Variants in IQCH observed in about 807,000 individuals in gnomAD.
The protein encoded by IQCH is IQ domain-containing protein H.
A neutral mutation model predicts 117.0 loss-of-function variants in IQCH; 98 were observed. The observed-to-expected ratio is 0.84, with a 90% CI of 0.71 to 0.99. The LOEUF (loss-of-function observed/expected upper bound fraction) is 0.99, where lower values mean the gene tolerates loss of function less well. IQCH is among the 50% of genes least tolerant of loss of function. The probability of loss-of-function intolerance (pLI) is 0.00; values close to 1 mark genes in which losing one functional copy is unlikely to be tolerated. For missense variants in IQCH, 1,102 were observed against 1,243.8 expected (o/e 0.89, Z 1.72); for synonymous variants, 412 against 448.2 (o/e 0.92, Z 1.02).
intron 16 of IQCH, 131 bp downstream of exon 16, chr15:67,421,708 T>A: frequency 1.1e-6 from 1 of 912,932 alleles, no homozygotes; most frequent in Non-Finnish European, 1.7e-6. Flanking sequence ...TGCTCTAAAT[T>A]CAACACCTAT....
Position 67,388,171 on chromosome 15 carries a change from G to C in IQCH, c.1457-660G>C, listed in dbSNP as rs1363499334. Among the ~76,000 whole-genome samples the C allele has an allele frequency of 2.6e-5, 4 of 152,144 alleles. No homozygotes were observed. Among genetic ancestry groups the C allele is most frequent in the African/African-American group, 9.7e-5 (4 of 41,414 alleles). On this transcript the variant is annotated intron_variant, in intron 11 of 20. Coordinates refer to ENST00000335894, the MANE Select transcript of IQCH (RefSeq NM_001031715.3). This position sits in a 1 kb window ranked among gnomAD's most constrained non-coding sequence, Gnocchi z 5.5. ...TCCATTTGGATGGGATATTTAATTA[G>C]GGTTTCTTGCTATGTTACATGTAAG...
chr15:67,383,328 T>G (rs1233297548), intron 10 of IQCH, among the ~76,000 whole-genome samples: 1 of 152,108 alleles, frequency 6.6e-6, no homozygotes, highest in Non-Finnish European at 1.5e-5. Flanking sequence ...GTAACAGAGG[T>G]CCCAAGTAAT....
Position 67,368,454 on chromosome 15 carries a change from G to C in IQCH, c.754-3657G>C, listed in dbSNP as rs143412009. Among the ~76,000 whole-genome samples the C allele has an allele frequency of 9.0e-3, 1,367 of 152,228 alleles. 9 individuals are homozygous for C. The highest frequency in any genetic ancestry group is 0.013 in the Non-Finnish European group (851 of 68,018). ...GCAGAGTCAGACAAATAGCATCCCT[G>C]GTCTTTGAGAAAGAATAAGGACTCC... is the stretch of plus-strand genomic sequence containing the variant. On this transcript the variant is annotated intron_variant, in intron 8 of 20. Coordinates refer to ENST00000335894, the MANE Select transcript of IQCH (RefSeq NM_001031715.3).
chr15:67,327,653 T>C (rs1350118221), intron 4 of IQCH, among the ~76,000 whole-genome samples: 1 of 152,240 alleles, frequency 6.6e-6, no homozygotes, highest in African/African-American at 2.4e-5. Flanking sequence ...CTGATTCTTA[T>C]TCAAGTAGGC....
chr15:67,408,745 A>G lies in IQCH; in HGVS notation c.2098-8186A>G, dbSNP rs189919585. ...TTCCTTTTGTTTTTAATTTTCAATT[A>G]AAGAGCTTTCATCAGCATATGCAAT... On this transcript the variant is annotated intron_variant, in intron 14 of 20. Coordinates refer to ENST00000335894, the MANE Select transcript of IQCH (RefSeq NM_001031715.3). The surrounding 1 kb of genome is among the most constrained non-coding windows in gnomAD (Gnocchi z 4.2). Among the ~76,000 whole-genome samples, 194 of 152,350 alleles carry G rather than the reference A, an allele frequency of 1.3e-3. No individual in the cohort carries two copies. The highest frequency in any genetic ancestry group is 4.2e-3 in the African/African-American group (174 of 41,582).
At chr15:67,484,954 A>G (rs919504165) in intron 18 of IQCH, among the ~76,000 whole-genome samples, 1 of 152,090 alleles carries the variant, frequency 6.6e-6, no homozygotes, top group Admixed American at 6.5e-5. Context: ...CAAAGGGGAA[A>G]AAAAGAAAAA....
intron 4 of IQCH, among the ~76,000 whole-genome samples, chr15:67,300,625 C>T (rs1016086274): frequency 2.0e-5 from 3 of 152,138 alleles, no homozygotes; most frequent in Non-Finnish European, 4.4e-5. Context: ...GAAACACTGT[C>T]GATAATACTG....
intron 4 of IQCH, among the ~76,000 whole-genome samples, chr15:67,309,896 A>G (rs567043778): frequency 2.0e-5 from 3 of 150,160 alleles, no homozygotes; most frequent in South Asian, 2.1e-4. Context: ...TGTCAAGTCA[A>G]GATAATGATG....
rs944284141 is a variant in IQCH at position 67,436,377 on chromosome 15, G to T, written c.2505+14800G>T. Among the ~76,000 whole-genome samples, 10 of 152,162 alleles carry T rather than the reference G, an allele frequency of 6.6e-5. No individual in the cohort carries two copies. Among genetic ancestry groups the T allele is most frequent in the African/African-American group, 2.4e-4 (10 of 41,422 alleles). The stretch of plus-strand genomic sequence containing the variant: ...GCTGAGTCAATTTAGAGAGCCAAGG[G>T]AAATACAGGGGTAGAGGAAGAAGCA... On this transcript the variant is annotated intron_variant, in intron 16 of 20. Transcript: ENST00000335894. This position sits in a 1 kb window ranked among gnomAD's most constrained non-coding sequence, Gnocchi z 5.1.
In IQCH at chr15:67,422,909, G is replaced by A. The variant is rs1184852572; in HGVS notation, c.2505+1332G>A. Among the ~76,000 whole-genome samples the A allele has an allele frequency of 6.6e-6, 1 of 152,148 alleles. No homozygotes were observed. The highest frequency in any genetic ancestry group is 2.4e-5 in the African/African-American group (1 of 41,426). On this transcript the variant is annotated intron_variant, in intron 16 of 20. Coordinates refer to ENST00000335894, the MANE Select transcript of IQCH (RefSeq NM_001031715.3). This position sits in a 1 kb window ranked among gnomAD's most constrained non-coding sequence, Gnocchi z 4.7. The stretch of plus-strand genomic sequence containing the variant: ...AATGACCTCCTGGCCTTCCTCTCTC[G>A]ATATCGCGATATCCTCTGGTCATCC...
chr15:67,500,541 C>A lies in IQCH; in HGVS notation c.2971-92C>A, dbSNP rs1385452415. Reference sequence around the variant, plus strand: ...AGAATACATTCTGAATAGAACTGGTCTAAACCATGGTGAACTCCCAAAAGG... The same window carrying A: ...AGAATACATTCTGAATAGAACTGGTATAAACCATGGTGAACTCCCAAAAGG... On this transcript the variant is annotated intron_variant, in intron 20 of 20. Transcript: ENST00000335894. The surrounding 1 kb of genome is among the most constrained non-coding windows in gnomAD (Gnocchi z 4.4). 4.8e-6 allele frequency: 3 copies of A among 624,604 alleles called. No individual in the cohort carries two copies. The highest frequency in any genetic ancestry group is 8.4e-6 in the Non-Finnish European group (3 of 355,556). The allele number at this position is 624,604 out of a possible 1,614,324, so 38.7% of individuals were successfully genotyped here.
chr15:67,255,095 C>T, intron 1 of IQCH, 148 bp downstream of exon 1: 1 of 741,452 alleles, frequency 1.3e-6, no homozygotes, highest in Non-Finnish European at 2.4e-6. Flanking sequence ...AAATGCCCAC[C>T]CAGACCTTCC....
chr15:67,322,074 A>G (rs2140602283), intron 4 of IQCH, among the ~76,000 whole-genome samples: 1 of 152,322 alleles, frequency 6.6e-6, no homozygotes, highest in East Asian at 1.9e-4. Context: ...ATCAACTCTA[A>G]TTGAAGATTT....
At chr15:67,477,176 G>A (rs756597444) in intron 18 of IQCH, among the ~76,000 whole-genome samples, 3 of 148,730 alleles carry the variant, frequency 2.0e-5, no homozygotes, top group Non-Finnish European at 4.4e-5. Context: ...TCAGCCTCCC[G>A]AGTAGCTGCG....
At position 67,424,329 on chromosome 15, in the gene IQCH, G is replaced by A. The variant is rs1029168759; in HGVS notation, c.2505+2752G>A. Among the ~76,000 whole-genome samples the A allele has an allele frequency of 3.3e-5, 5 of 152,152 alleles. No individual in the cohort carries two copies. Among genetic ancestry groups the A allele is most frequent in the African/African-American group, 1.2e-4 (5 of 41,432 alleles). On this transcript the variant is annotated intron_variant, in intron 16 of 20. Coordinates refer to ENST00000335894, the MANE Select transcript of IQCH (RefSeq NM_001031715.3). The surrounding 1 kb of genome is among the most constrained non-coding windows in gnomAD (Gnocchi z 4.9). Reference sequence around the variant, plus strand: ...CAGCTCAAGCCACATTGACTGAAGCGCTTCCTGACCTTCCTGACAAAGTCA... The same window carrying A: ...CAGCTCAAGCCACATTGACTGAAGCACTTCCTGACCTTCCTGACAAAGTCA...
At chr15:67,303,131 A>G (rs1285032845) in intron 4 of IQCH, among the ~76,000 whole-genome samples, 2 of 152,206 alleles carry the variant, frequency 1.3e-5, no homozygotes, top group Admixed American at 1.3e-4. Context: ...CACTTAATTG[A>G]AAGGAAAACA....
At chr15:67,270,276 G>A (rs1965847264) in intron 3 of IQCH, among the ~76,000 whole-genome samples, 1 of 152,160 alleles carries the variant, frequency 6.6e-6, no homozygotes, top group Non-Finnish European at 1.5e-5. Flanking sequence ...CGTTGTGAAA[G>A]TGGGCATCCT....
intron 18 of IQCH, among the ~76,000 whole-genome samples, chr15:67,487,613 T>C (rs1413227308): frequency 6.6e-6 from 1 of 152,214 alleles, no homozygotes; most frequent in Admixed American, 6.5e-5. Context: ...TGACTCAGCA[T>C]GGCCCTACGC....
chr15:67,261,442 C>T (rs1178306806), intron 2 of IQCH, 48 bp downstream of exon 2: 2 of 1,501,634 alleles, frequency 1.3e-6, no homozygotes, highest in Non-Finnish European at 8.9e-7. Flanking sequence ...ACAAAGCATC[C>T]TCTAGAAGAA....
Sources: allele counts gnomAD v4.1 joint callset (sites outside exome capture counted in the v4.1 genomes callset), GRCh38; gene constraint gnomAD v4.1.1; non-coding constraint Gnocchi (gnomAD v3.1); transcripts MANE v1.5; gene names NCBI Gene and HGNC (gene_info 2026-07-23, HGNC 2026-07-21).